Variants in MACC1 observed in about 807,000 individuals in gnomAD.
MACC1 encodes the protein metastasis-associated in colon cancer protein 1.
MACC1 carries 79 observed loss-of-function variants against 70.7 expected under a neutral mutation model. The observed-to-expected ratio is 1.12, with a 90% CI of 0.93 to 1.35. The LOEUF (loss-of-function observed/expected upper bound fraction) is 1.35, where lower values mean the gene tolerates loss of function less well. Among genes scored for constraint, MACC1 ranks in the 40% most tolerant of loss-of-function variants. MACC1 has a pLI of 0.00. For missense variants in MACC1, 1,106 were observed against 978.1 expected (o/e 1.13, Z -1.74); for synonymous variants, 361 against 347.2 (o/e 1.04, Z -0.44).
chr7:20,178,875 C>T (rs1224468302), intron 1 of MACC1, among the ~76,000 whole-genome samples: 2 of 152,204 alleles, frequency 1.3e-5, no homozygotes, highest in Non-Finnish European at 2.9e-5. Flanking sequence ...GTTGGGATTA[C>T]AGATGTGAGC....
intron 1 of MACC1, among the ~76,000 whole-genome samples, chr7:20,211,462 C>T (rs562512120): frequency 4.6e-5 from 7 of 152,170 alleles, no homozygotes; most frequent in South Asian, 2.1e-4. Flanking sequence ...CAATCTCTAA[C>T]GCCATAGGTT....
intron 1 of MACC1, among the ~76,000 whole-genome samples, chr7:20,200,405 G>GA (rs1015437874): frequency 2.6e-5 from 4 of 152,158 alleles, no homozygotes; most frequent in Non-Finnish European, 4.4e-5. Context: ...GACTTCCAAG[G>GA]AAAAAAGAGG....
chr7:20,175,243 T>G (rs1227857923), intron 1 of MACC1, among the ~76,000 whole-genome samples: 1 of 152,082 alleles, frequency 6.6e-6, no homozygotes, highest in East Asian at 1.9e-4. Context: ...GATGCAAAAT[T>G]TATGGCATTA....
chr7:20,196,214 G>A (rs1293738118), intron 1 of MACC1, among the ~76,000 whole-genome samples: 2 of 151,734 alleles, frequency 1.3e-5, no homozygotes, highest in African/African-American at 4.8e-5. Context: ...ATGGATTCTC[G>A]CTGTCTCCCA....
At chr7:20,160,831 C>G (rs887539065) in intron 4 of MACC1, among the ~76,000 whole-genome samples, 1 of 151,808 alleles carries the variant, frequency 6.6e-6, no homozygotes. Context: ...TTAGATAATT[C>G]TATAATTTTG....
At chr7:20,155,112 A>G (rs1335542604) in intron 5 of MACC1, among the ~76,000 whole-genome samples, 1 of 152,226 alleles carries the variant, frequency 6.6e-6, no homozygotes, top group Non-Finnish European at 1.5e-5. Context: ...TGCATGTTTC[A>G]AACAAGTCTA....
intron 1 of MACC1, among the ~76,000 whole-genome samples, chr7:20,187,054 G>T (rs981163051): frequency 6.6e-6 from 1 of 152,130 alleles, no homozygotes; most frequent in Non-Finnish European, 1.5e-5. Context: ...ACAATTTTTT[G>T]AATTTACAGT....
chr7:20,188,908 G>T (rs1051043453), intron 1 of MACC1, among the ~76,000 whole-genome samples: 6 of 152,212 alleles, frequency 3.9e-5, no homozygotes, highest in African/African-American at 1.2e-4. Flanking sequence ...AAAAGCTAAA[G>T]TTATATAGCC....
At chr7:20,161,966 A>G in intron 3 of MACC1, 96 bp from the exon 4 acceptor site, 1 of 719,840 alleles carries the variant, frequency 1.4e-6, no homozygotes, top group South Asian at 1.7e-5. Flanking sequence ...TCTATAAAGA[A>G]CTACATGTGA....
intron 1 of MACC1, among the ~76,000 whole-genome samples, chr7:20,180,932 T>C (rs1220836380): frequency 1.3e-5 from 2 of 152,072 alleles, no homozygotes; most frequent in Non-Finnish European, 2.9e-5. Flanking sequence ...GAAATATGTA[T>C]AGAAATAAAG....
At chr7:20,185,429 G>T (rs1245443240) in intron 1 of MACC1, among the ~76,000 whole-genome samples, 1 of 151,958 alleles carries the variant, frequency 6.6e-6, no homozygotes, top group Non-Finnish European at 1.5e-5. Context: ...AAACTCTTGG[G>T]ATTGGGTTGG....
chr7:20,171,445 G>A (rs1381442007), intron 1 of MACC1, among the ~76,000 whole-genome samples: 2 of 150,752 alleles, frequency 1.3e-5, no homozygotes, highest in East Asian at 2.0e-4. Flanking sequence ...TAGTAGAGAC[G>A]GAATTTCACC....
At chr7:20,172,206 C>T (rs1275578816) in intron 1 of MACC1, among the ~76,000 whole-genome samples, 1 of 152,072 alleles carries the variant, frequency 6.6e-6, no homozygotes, top group African/African-American at 2.4e-5. Context: ...AAAAGGAAAA[C>T]ACAGCTGCCC....
At chr7:20,169,521 G>A (rs1175020222) in intron 2 of MACC1, among the ~76,000 whole-genome samples, 2 of 152,198 alleles carry the variant, frequency 1.3e-5, no homozygotes, top group East Asian at 1.9e-4. Context: ...AGCAAACTGA[G>A]CCAAATTCTG....
At chr7:20,193,569 A>C (rs1345024016) in intron 1 of MACC1, among the ~76,000 whole-genome samples, 1 of 152,202 alleles carries the variant, frequency 6.6e-6, no homozygotes. Context: ...TAAGTGATGC[A>C]AGCTTTTTCA....
At chr7:20,147,126 A>T (rs563609366) in intron 6 of MACC1, among the ~76,000 whole-genome samples, 1 of 152,334 alleles carries the variant, frequency 6.6e-6, no homozygotes, top group East Asian at 1.9e-4. Context: ...TGGAGCAATA[A>T]AAAGTAATAA....
Position 20,158,829 on chromosome 7 carries a change from A to T in MACC1, c.1532T>A (p.Leu511Gln). Residue 511 changes from leucine (L) to glutamine (Q), a missense_variant, in exon 5 of 7, where the codon CTA becomes CAA. By Grantham distance (113) the Leu-to-Gln change is moderately radical. Coordinates refer to ENST00000400331, the MANE Select transcript of MACC1 (RefSeq NM_182762.4). ...GCCTGGCAGATTCGAGAGTCTTTTT[A>T]GGTTTGGGGTTGGATCAGGAGTAGT... ...SITTPDPTPN[L>Q]KRLSNLPGYL... The T allele has an allele frequency of 6.2e-7, 1 of 1,614,100 alleles. No individual in the cohort carries two copies. Among genetic ancestry groups the T allele is most frequent in the African/African-American group, 1.3e-5 (1 of 75,042 alleles).
intron 2 of MACC1, among the ~76,000 whole-genome samples, chr7:20,166,579 A>G (rs1164002258): frequency 6.6e-6 from 1 of 152,198 alleles, no homozygotes; most frequent in African/African-American, 2.4e-5. Context: ...GATGATTCTG[A>G]CCAAATATTT....
At chr7:20,172,337 G>A (rs1284786851) in intron 1 of MACC1, among the ~76,000 whole-genome samples, 1 of 152,174 alleles carries the variant, frequency 6.6e-6, no homozygotes, top group East Asian at 1.9e-4. Flanking sequence ...GGTTACCACA[G>A]TTACAGGAAC....
Sources: allele counts gnomAD v4.1 joint callset (sites outside exome capture counted in the v4.1 genomes callset), GRCh38; gene constraint gnomAD v4.1.1; transcripts MANE v1.5; gene names NCBI Gene and HGNC (gene_info 2026-07-23, HGNC 2026-07-21).